Variants in PDS5A observed in about 807,000 individuals in gnomAD.
The protein encoded by PDS5A is sister chromatid cohesion protein PDS5 homolog A.
A neutral mutation model predicts 167.1 loss-of-function variants in PDS5A; 42 were observed. The ratio of observed to expected loss-of-function variants is 0.25; its 90% CI spans 0.20 to 0.33. The LOEUF (loss-of-function observed/expected upper bound fraction) is 0.33. Among genes scored for constraint, PDS5A ranks in the 10% least tolerant of loss-of-function variants. The pLI is 1.00. For missense variants in PDS5A, 1,033 were observed against 1,605.9 expected (o/e 0.64, Z 6.10); for synonymous variants, 553 against 554.6 (o/e 1.00, Z 0.04).
chr4:39,871,797 G>A (rs1022724063), intron 21 of PDS5A, among the ~76,000 whole-genome samples: 12 of 151,994 alleles, frequency 7.9e-5, no homozygotes, highest in East Asian at 3.9e-4. Context: ...TCTGCCTCCC[G>A]GGTTCAAGCG....
intron 5 of PDS5A, among the ~76,000 whole-genome samples, chr4:39,923,434 C>T (rs527366174): frequency 7.9e-5 from 12 of 151,620 alleles, no homozygotes; most frequent in South Asian, 4.2e-4. Flanking sequence ...TTAAATTCTG[C>T]CTTAAAAAAT....
chr4:39,910,425 C>T (rs776979495), intron 9 of PDS5A, 87 bp from the exon 10 acceptor site: 13 of 688,884 alleles, frequency 1.9e-5, no homozygotes, highest in South Asian at 3.5e-5. Flanking sequence ...AATACTTATA[C>T]GCAACAATAG....
At chr4:39,894,470 T>C (rs932413502) in intron 16 of PDS5A, among the ~76,000 whole-genome samples, 3 of 151,866 alleles carry the variant, frequency 2.0e-5, no homozygotes, top group African/African-American at 7.3e-5. Flanking sequence ...AAGGTTGAGG[T>C]TGTCTGGGCA....
chr4:39,967,785 C>T (rs1250960609), intron 2 of PDS5A, among the ~76,000 whole-genome samples: 3 of 152,028 alleles, frequency 2.0e-5, no homozygotes, highest in African/African-American at 4.8e-5. Context: ...TGGTGAAACC[C>T]CGTCTCTAAC....
In PDS5A at chr4:39,833,191, C is replaced by CAAAAAA. The variant is rs1166233113; in HGVS notation, c.4010+4659_4010+4664dup. On this transcript the variant is annotated intron_variant, in intron 32 of 32. Transcript: ENST00000303538. ...GGGCCACAAGAGTGAAACTCCGTCT[C>CAAAAAA]AAAAAAAAAAAAAAAAAAAAAAAAA... Among the ~76,000 whole-genome samples the CAAAAAA allele has an allele frequency of 7.6e-3, 288 of 37,910 alleles. 27 individuals are homozygous for CAAAAAA. The highest frequency in any genetic ancestry group is 0.039 in the East Asian group (35 of 888). The allele number at this position is 37,910 out of a possible 152,430, so 24.9% of individuals were successfully genotyped here.
At chr4:39,863,934 T>G (rs1233830790) in intron 23 of PDS5A, among the ~76,000 whole-genome samples, 1 of 151,926 alleles carries the variant, frequency 6.6e-6, no homozygotes, top group Non-Finnish European at 1.5e-5. Flanking sequence ...ATTGAGACCA[T>G]CCTGGCCAAC....
chr4:39,895,701 T>C (rs935343576), intron 16 of PDS5A, among the ~76,000 whole-genome samples: 13 of 152,134 alleles, frequency 8.5e-5, no homozygotes, highest in African/African-American at 2.9e-4. Flanking sequence ...CTTGATGAAC[T>C]TCAAGGGTTT....
At chr4:39,954,480 G>C (rs1021158200) in intron 2 of PDS5A, among the ~76,000 whole-genome samples, 14 of 151,816 alleles carry the variant, frequency 9.2e-5, no homozygotes, top group African/African-American at 3.4e-4. Flanking sequence ...CACCACCCTC[G>C]GCTAATTTTT....
At chr4:39,869,335 A>G (rs1029019813) in intron 22 of PDS5A, 59 bp downstream of exon 22, 1 of 994,170 alleles carries the variant, frequency 1.0e-6, no homozygotes, top group South Asian at 1.3e-5. Context: ...GGTGAGGAAG[A>G]TAACTACAAA....
rs563612019 is a variant in PDS5A at position 39,904,534 on chromosome 4, C to G, written c.1234-343G>C. On this transcript the variant is annotated intron_variant, in intron 11 of 32. Transcript: ENST00000303538. ...TTTTTAGTAGAGACGGGGTTTCACC[C>G]TGTTAGCCAGGATGGTCTCGATCTC... Among the ~76,000 whole-genome samples, 4 of 152,164 alleles carry G rather than the reference C, an allele frequency of 2.6e-5. No homozygotes were observed. In the South Asian group the frequency reaches 8.3e-4, roughly 32 times the overall value.
chr4:39,840,035 A>G (rs528667668), intron 31 of PDS5A, among the ~76,000 whole-genome samples: 130 of 152,076 alleles, frequency 8.5e-4, no homozygotes, highest in African/African-American at 3.0e-3. Context: ...CAGAGGTTGC[A>G]GTGAGCTGAG....
intron 31 of PDS5A, among the ~76,000 whole-genome samples, chr4:39,841,513 A>AT (rs879278110): frequency 0.025 from 3,616 of 142,594 alleles, 141 homozygotes; most frequent in African/African-American, 0.083. Context: ...GACCACACAA[A>AT]TTTTTTTTTT....
In PDS5A at chr4:39,874,492, C is replaced by T. The variant is rs540649606; in HGVS notation, c.2154-80G>A. ...TTCCTTTGGTTGACTTCCACTTCCC[C>T]TATATGGATGGATGCTAGTAGAGAA... On this transcript the variant is annotated intron_variant, in intron 19 of 32. Transcript: ENST00000303538. The T allele has an allele frequency of 2.1e-5, 24 of 1,146,086 alleles. No individual in the cohort carries two copies. In the South Asian group the frequency reaches 2.9e-4, roughly 14 times the overall value. 71.0% of individuals were successfully genotyped at this position (1,146,086 alleles called of 1,614,324 possible).
At chr4:39,913,984 G>A (rs1239371398) in intron 8 of PDS5A, among the ~76,000 whole-genome samples, 1 of 151,884 alleles carries the variant, frequency 6.6e-6, no homozygotes, top group African/African-American at 2.4e-5. Context: ...CTATACATTG[G>A]TTATGGACAC....
chr4:39,898,443 C>T lies in PDS5A; in HGVS notation c.1716G>A (p.Gln572=). ...AGGTTGGGCTAATTAATAACTCCAA[C>T]TGAGACCGAAGTTTCTCATCATCGC... The part of the protein sequence containing the change: ...VLGDDEKLRS[Q]LELLISPTCS... The change falls in exon 16 of 33, where the codon CAG becomes CAA. Residue 572 remains glutamine, a synonymous_variant. Coordinates refer to ENST00000303538, the MANE Select transcript of PDS5A (RefSeq NM_001100399.2). The T allele has an allele frequency of 1.3e-6, 2 of 1,597,628 alleles. No individual in the cohort carries two copies. Among genetic ancestry groups the T allele is most frequent in the Non-Finnish European group, 1.7e-6 (2 of 1,171,232 alleles).
intron 32 of PDS5A, among the ~76,000 whole-genome samples, chr4:39,832,331 A>AG (rs940818637): frequency 4.6e-5 from 7 of 151,398 alleles, no homozygotes; most frequent in African/African-American, 1.7e-4. Context: ...CTCCTGCCTC[A>AG]GCCTCCCGAG....
intron 26 of PDS5A, among the ~76,000 whole-genome samples, chr4:39,856,551 C>T (rs1191591985): frequency 6.6e-6 from 1 of 152,190 alleles, no homozygotes; most frequent in Non-Finnish European, 1.5e-5. Context: ...TGCAGTGGCT[C>T]ATGCCTGTAA....
intron 2 of PDS5A, among the ~76,000 whole-genome samples, chr4:39,951,898 C>CAAAAAAAAAAAAAAAAAA (rs1161911794): frequency 4.4e-5 from 3 of 68,800 alleles, no homozygotes; most frequent in African/African-American, 1.9e-4. Flanking sequence ...GAGTCTGTCT[C>CAAAAAAAAAAAAAAAAAA]AAAAAAAAAA....
intron 2 of PDS5A, among the ~76,000 whole-genome samples, chr4:39,952,658 CAT>C (rs908066578): frequency 4.6e-5 from 7 of 151,442 alleles, no homozygotes; most frequent in Admixed American, 6.6e-5. Context: ...TATTTTATAA[CAT>C]GTGATACATT....
Sources: gnomAD v4.1 joint callset for allele counts (sites outside exome capture counted in the v4.1 genomes callset) on GRCh38, gnomAD v4.1.1 for gene constraint, MANE v1.5 for transcripts, NCBI Gene and HGNC (gene_info 2026-07-23, HGNC 2026-07-21) for gene names.